The following GNAI1 variants were observed in gnomAD, a reference collection of about 807,000 sequenced individuals.
The protein encoded by GNAI1 is guanine nucleotide-binding protein G(i) subunit alpha-1.
Under a neutral mutation model 38.9 loss-of-function variants are expected in GNAI1, and 11 were observed. The ratio of observed to expected loss-of-function variants is 0.28; its 90% CI spans 0.18 to 0.47. The LOEUF (loss-of-function observed/expected upper bound fraction) is 0.47, where lower values mean the gene tolerates loss of function less well. Among genes scored for constraint, GNAI1 ranks in the 20% least tolerant of loss-of-function variants. The pLI is 0.99. For synonymous variants in GNAI1, 166 were observed against 145.1 expected (o/e 1.14, Z -1.04); for missense variants, 317 against 436.9 (o/e 0.73, Z 2.45).
intron 1 of GNAI1, among the ~76,000 whole-genome samples, chr7:80,149,221 T>C (rs1554346787): frequency 6.6e-6 from 1 of 152,088 alleles, no homozygotes; most frequent in Non-Finnish European, 1.5e-5. Flanking sequence ...TTAGTGGCTA[T>C]ATATGTTTTA....
At chr7:80,148,891 A>G (rs1462629322) in intron 1 of GNAI1, among the ~76,000 whole-genome samples, 1 of 152,104 alleles carries the variant, frequency 6.6e-6, no homozygotes, top group Non-Finnish European at 1.5e-5. Context: ...TATTTCCCAC[A>G]TATTTTGAGG....
intron 5 of GNAI1, among the ~76,000 whole-genome samples, chr7:80,205,030 T>C (rs1788749772): frequency 6.6e-6 from 1 of 152,176 alleles, no homozygotes; most frequent in African/African-American, 2.4e-5. Context: ...TAGTTTCTTA[T>C]AATTCACATT....
At chr7:80,182,678 A>G (rs1788315488) in intron 1 of GNAI1, among the ~76,000 whole-genome samples, 1 of 152,338 alleles carries the variant, frequency 6.6e-6, no homozygotes, top group African/African-American at 2.4e-5. Context: ...ACAGAAAGAA[A>G]ATATTTTCAT....
chr7:80,184,632 T>G (rs111422078), intron 1 of GNAI1, among the ~76,000 whole-genome samples: 176 of 152,310 alleles, frequency 1.2e-3, no homozygotes, highest in Non-Finnish European at 2.1e-3. Context: ...GTTGCAGGTT[T>G]TTTTCTATCT....
intron 1 of GNAI1, among the ~76,000 whole-genome samples, chr7:80,163,011 G>T (rs748467764): frequency 6.6e-6 from 1 of 152,152 alleles, no homozygotes; most frequent in African/African-American, 2.4e-5. Flanking sequence ...TTTAGGGAAT[G>T]TGGCCAAGTA....
intron 5 of GNAI1, among the ~76,000 whole-genome samples, chr7:80,205,945 T>C (rs1788767072): frequency 6.6e-6 from 1 of 151,928 alleles, no homozygotes; most frequent in Non-Finnish European, 1.5e-5. Context: ...TGCTCTGAAA[T>C]GGTCGTGATG....
intron 1 of GNAI1, among the ~76,000 whole-genome samples, chr7:80,152,489 T>G (rs1232374581): frequency 6.6e-6 from 1 of 152,150 alleles, no homozygotes; most frequent in Admixed American, 6.5e-5. Context: ...GTCGATGTTT[T>G]GTTTTTACAA....
intron 1 of GNAI1, among the ~76,000 whole-genome samples, chr7:80,146,944 A>G (rs1160260965): frequency 6.6e-6 from 1 of 152,222 alleles, no homozygotes; most frequent in Non-Finnish European, 1.5e-5. Context: ...AACTTCTTCT[A>G]ATGTCAATCT....
At chr7:80,162,443 C>G (rs1179134025) in intron 1 of GNAI1, among the ~76,000 whole-genome samples, 3 of 152,162 alleles carry the variant, frequency 2.0e-5, no homozygotes, top group Non-Finnish European at 4.4e-5. Context: ...AGATACTCTT[C>G]TAGAAATGTG....
At position 80,219,165 on chromosome 7, in the gene GNAI1, C is replaced by A. The variant is rs1000978095; in HGVS notation, c.*1672C>A. On this transcript the variant is annotated 3_prime_UTR_variant, in exon 8 of 8. Coordinates refer to ENST00000649796, the MANE Select transcript of GNAI1 (RefSeq NM_002069.6). ...TTCCTTAAATGTGTTAGTTTAGATT[C>A]TTTATGTGCCTTTCATGAAAGATAT... 8.5e-5 allele frequency: 13 copies of A among 152,184 alleles called. No individual in the cohort carries two copies. The highest frequency in any genetic ancestry group is 3.1e-4 in the African/African-American group (13 of 41,298). 9.4% of individuals were successfully genotyped at this position (152,184 alleles called of 1,614,324 possible).
intron 1 of GNAI1, among the ~76,000 whole-genome samples, chr7:80,145,086 G>A (rs1252852329): frequency 2.0e-5 from 3 of 152,210 alleles, no homozygotes; most frequent in South Asian, 2.1e-4. Flanking sequence ...TCTTCATACT[G>A]CTTTAAAGAC....
rs1295082914 is a variant in GNAI1 at position 80,219,037 on chromosome 7, G to GTGTA, written c.*1547_*1548insATGT. On this transcript the variant is annotated 3_prime_UTR_variant, in exon 8 of 8. Coordinates refer to ENST00000649796, the MANE Select transcript of GNAI1 (RefSeq NM_002069.6). ...TGGGTTGAAGTATATTTGTGTGTGTGTGTGTGTGTGTGTGTGTGTGTGTAA... is the reference window on the plus strand; with the variant it reads ...TGGGTTGAAGTATATTTGTGTGTGTGTGTATGTGTGTGTGTGTGTGTGTGTGTAA... 9 of 151,860 alleles carry GTGTA rather than the reference G, an allele frequency of 5.9e-5. No homozygotes were observed. The highest frequency in any genetic ancestry group is 1.2e-4 in the African/African-American group (5 of 41,258). The allele number at this position is 151,860 out of a possible 1,614,324, so 9.4% of individuals were successfully genotyped here.
intron 1 of GNAI1, among the ~76,000 whole-genome samples, chr7:80,172,167 A>G (rs951181758): frequency 6.6e-6 from 1 of 152,148 alleles, no homozygotes; most frequent in African/African-American, 2.4e-5. Flanking sequence ...GTTCATTTTG[A>G]AAGATTTCTA....
At chr7:80,170,561 C>A (rs1332782247) in intron 1 of GNAI1, among the ~76,000 whole-genome samples, 1 of 152,098 alleles carries the variant, frequency 6.6e-6, no homozygotes, top group Admixed American at 6.6e-5. Flanking sequence ...GCAGGCAGTA[C>A]AAGAAGCATG....
intron 1 of GNAI1, among the ~76,000 whole-genome samples, chr7:80,159,447 A>C (rs1787880006): frequency 2.0e-5 from 3 of 152,176 alleles, no homozygotes; most frequent in African/African-American, 7.2e-5. Flanking sequence ...CATAGCAGAC[A>C]CTTTAAATAT....
chr7:80,137,324 T>C (rs1349242528), intron 1 of GNAI1, among the ~76,000 whole-genome samples: 1 of 128,448 alleles, frequency 7.8e-6, no homozygotes, highest in African/African-American at 3.0e-5. Flanking sequence ...TTTCTTTTTT[T>C]TTTTTTTTTT....
At position 80,221,533 on chromosome 7, in the gene GNAI1, A is replaced by G. The variant is rs946572428; in HGVS notation, c.*4040A>G. Among the ~76,000 whole-genome samples the G allele has an allele frequency of 4.6e-5, 7 of 152,130 alleles. No homozygotes were observed. ...AGTGTCTCACATATTGATACTGGAAAATGAGAAAATGCAATCTCTAATCAA... is the reference window on the plus strand; with the variant it reads ...AGTGTCTCACATATTGATACTGGAAGATGAGAAAATGCAATCTCTAATCAA... On this transcript the variant is annotated 3_prime_UTR_variant, in exon 8 of 8. Coordinates refer to ENST00000649796, the MANE Select transcript of GNAI1 (RefSeq NM_002069.6).
At chr7:80,200,352 A>T (rs1004166622) in intron 4 of GNAI1, among the ~76,000 whole-genome samples, 2 of 136,024 alleles carry the variant, frequency 1.5e-5, no homozygotes, top group African/African-American at 5.3e-5. Flanking sequence ...AAAAAACCTA[A>T]TCAGGGAGCT....
At chr7:80,196,339 G>A (rs1163903580) in intron 3 of GNAI1, among the ~76,000 whole-genome samples, 4 of 151,930 alleles carry the variant, frequency 2.6e-5, no homozygotes, top group African/African-American at 4.8e-5. Flanking sequence ...AAGACTTCCT[G>A]TAAACTGCTT....
Sources: gnomAD v4.1 joint callset for allele counts (sites outside exome capture counted in the v4.1 genomes callset) on GRCh38, gnomAD v4.1.1 for gene constraint, MANE v1.5 for transcripts, NCBI Gene and HGNC (gene_info 2026-07-23, HGNC 2026-07-21) for gene names.